Variants in H6PD observed in about 807,000 individuals in gnomAD.
H6PD encodes the protein hexose-6-phosphate dehydrogenase/glucose 1-dehydrogenase.
In H6PD, 48 loss-of-function variants were observed where a neutral mutation model predicts 61.2. The ratio of observed to expected loss-of-function variants is 0.78; its 90% CI spans 0.62 to 1.00. The LOEUF is 1.00. Ranked by LOEUF, H6PD falls within the 50% of genes least tolerant of loss-of-function variation. The probability of loss-of-function intolerance (pLI) is 0.00; values close to 1 mark genes in which losing one functional copy is unlikely to be tolerated. For synonymous variants in H6PD, 480 were observed against 457.9 expected (o/e 1.05, Z -0.62); for missense variants, 1,093 against 1,065.0 (o/e 1.03, Z -0.37).
chr1:9,238,787 G>A (rs1312843770), intron 1 of H6PD, among the ~76,000 whole-genome samples: 2 of 152,184 alleles, frequency 1.3e-5, no homozygotes, highest in African/African-American at 2.4e-5. Context: ...TGGACGGATA[G>A]GCAGTTGTGT....
Position 9,264,442 on chromosome 1 carries a change from A to G in H6PD, c.1949A>G (p.Asn650Ser). 2 of 1,612,992 alleles carry G rather than the reference A, an allele frequency of 1.2e-6. No individual in the cohort carries two copies. Among genetic ancestry groups the G allele is most frequent in the Non-Finnish European group, 1.7e-6 (2 of 1,179,824 alleles). The stretch of plus-strand genomic sequence containing the variant: ...CAGCACGTCCGGATCCCCTACTACA[A>G]CATCCACCCCATGCCTGTGCACCTG... ...LLQHVRIPYY[N>S]IHPMPVHLQQ... is the part of the protein sequence containing the mutation. The change falls in exon 5 of 5, where the codon AAC (asparagine) becomes AGC (serine). Residue 650 changes from asparagine (N) to serine (S), a missense_variant. Coordinates refer to ENST00000377403, the MANE Select transcript of H6PD (RefSeq NM_004285.4).
chr1:9,240,847 A>G (rs968198721), intron 1 of H6PD, among the ~76,000 whole-genome samples: 42 of 152,294 alleles, frequency 2.8e-4, no homozygotes, highest in Admixed American at 2.7e-3. Context: ...AACCTTCTGA[A>G]GCAGAGCCGT....
Position 9,269,155 on chromosome 1 carries a change from ACT to A in H6PD, c.*4289_*4290del, listed in dbSNP as rs1442006496. The A allele has an allele frequency of 2.0e-5, 3 of 151,900 alleles. No individual in the cohort carries two copies. Among genetic ancestry groups the A allele is most frequent in the Non-Finnish European group, 4.4e-5 (3 of 67,988 alleles). The allele number at this position is 151,900 out of a possible 1,614,324, so 9.4% of individuals were successfully genotyped here. ...CCACAGTGACCGGACGACAAATGAG[ACT>A]CTGCAAATGAGACTCCAGAGGGTGA... On this transcript the variant is annotated 3_prime_UTR_variant, in exon 5 of 5. Coordinates refer to ENST00000377403, the MANE Select transcript of H6PD (RefSeq NM_004285.4). This position sits in a 1 kb window ranked among gnomAD's most constrained non-coding sequence, Gnocchi z 4.3.
chr1:9,235,691 G>A (rs781356470), intron 1 of H6PD, among the ~76,000 whole-genome samples: 1 of 152,166 alleles, frequency 6.6e-6, no homozygotes, highest in Non-Finnish European at 1.5e-5. Context: ...GTTCCCTGCA[G>A]CCTCCACCTC....
intron 3 of H6PD, among the ~76,000 whole-genome samples, chr1:9,253,793 C>T (rs1217950272): frequency 6.6e-6 from 1 of 152,236 alleles, no homozygotes; most frequent in South Asian, 2.1e-4. Context: ...ACTGTGTTTT[C>T]TAACCTCTTT....
chr1:9,256,812 G>A (rs976943366), intron 3 of H6PD, among the ~76,000 whole-genome samples: 24 of 152,240 alleles, frequency 1.6e-4, no homozygotes, highest in African/African-American at 4.8e-4. Context: ...CCCTCCCCAC[G>A]TTCTGACCTA....
chr1:9,261,060 C>T (rs1423387838), intron 3 of H6PD, among the ~76,000 whole-genome samples: 1 of 152,054 alleles, frequency 6.6e-6, no homozygotes, highest in Non-Finnish European at 1.5e-5. Flanking sequence ...CCTGTACTGC[C>T]CATTAGTCCA....
At chr1:9,249,184 T>G (rs952615320) in intron 3 of H6PD, among the ~76,000 whole-genome samples, 1 of 152,198 alleles carries the variant, frequency 6.6e-6, no homozygotes, top group African/African-American at 2.4e-5. Context: ...TGGAGTTACC[T>G]GTTGGTACTG....
chr1:9,267,697 A>C lies in H6PD; in HGVS notation c.*2828A>C, dbSNP rs1005599325. The stretch of plus-strand genomic sequence containing the variant: ...ATGTTGGAAAAGTCCAAACCTGGAG[A>C]TGTCCCTGTGCCTCCGCCCCTACCC... On this transcript the variant is annotated 3_prime_UTR_variant, in exon 5 of 5. Transcript: ENST00000377403. 1 of 152,158 alleles carries C rather than the reference A, an allele frequency of 6.6e-6. No homozygotes were observed. Among genetic ancestry groups the C allele is most frequent in the African/African-American group, 2.4e-5 (1 of 41,418 alleles). The allele number at this position is 152,158 out of a possible 1,614,324, so 9.4% of individuals were successfully genotyped here.
At chr1:9,237,243 T>C (rs1335188407) in intron 1 of H6PD, among the ~76,000 whole-genome samples, 1 of 111,880 alleles carries the variant, frequency 8.9e-6, no homozygotes, top group African/African-American at 3.9e-5. Flanking sequence ...TCTCTTTTTT[T>C]TTTTTTTTTT....
chr1:9,245,553 G>A lies in H6PD; in HGVS notation c.619G>A (p.Gly207Ser). 6.2e-7 allele frequency: 1 copy of A among 1,614,158 alleles called. No individual in the cohort carries two copies. Among genetic ancestry groups the A allele is most frequent in the Non-Finnish European group, 8.5e-7 (1 of 1,180,020 alleles). ...GATGTACCGGGTGGACCATTACTTA[G>A]GCAAGCAGGTGAGCATCAGCATGGA... ...EEMYRVDHYL[G>S]KQAVAQILPF... is the part of the protein sequence containing the mutation. Residue 207 changes from glycine to serine, a missense_variant, in exon 2 of 5, where the codon GGC becomes AGC. Gly to Ser is a moderately conservative substitution (Grantham distance 56, BLOSUM62 0). Transcript: ENST00000377403. The surrounding 1 kb of genome is among the most constrained non-coding windows in gnomAD (Gnocchi z 4.8).
Position 9,270,421 on chromosome 1 carries a change from G to A in H6PD, c.*5552G>A, listed in dbSNP as rs1434750138. ...AGAGGCGTCTGTTATAAAGCGTTAC[G>A]GGGCGCCTGCATGCAGGAGGAAGGA... On this transcript the variant is annotated 3_prime_UTR_variant, in exon 5 of 5. Transcript: ENST00000377403. 1 of 152,198 alleles carries A rather than the reference G, an allele frequency of 6.6e-6. No individual in the cohort carries two copies. The highest frequency in any genetic ancestry group is 1.5e-5 in the Non-Finnish European group (1 of 68,038). 9.4% of individuals were successfully genotyped at this position (152,198 alleles called of 1,614,324 possible).
chr1:9,264,326 G>A lies in H6PD; in HGVS notation c.1833G>A (p.Trp611Ter), dbSNP rs151130360. 40 of 1,611,904 alleles carry A rather than the reference G, an allele frequency of 2.5e-5. No homozygotes were observed. Among genetic ancestry groups the A allele is most frequent in the Non-Finnish European group, 3.0e-5 (35 of 1,179,836 alleles). ...QLATAHYGFP[W>*]AHTHLWLVDE... ...CCACGGCGCACTATGGCTTCCCCTG[G>A]GCCCACACGCACCTGTGGCTGGTTG... Residue 611 changes from tryptophan (W) to a stop codon, truncating the protein, a stop_gained, in exon 5 of 5, where the codon TGG becomes TGA. Transcript: ENST00000377403. LOFTEE classifies it high-confidence loss of function.
chr1:9,252,167 T>C (rs958599924), intron 3 of H6PD, among the ~76,000 whole-genome samples: 1 of 152,232 alleles, frequency 6.6e-6, no homozygotes, highest in African/African-American at 2.4e-5. Flanking sequence ...TGACTTATAT[T>C]GGATTATTAT....
rs1557432010 is a variant in H6PD, at chr1:9,270,237, C to T, written c.*5368C>T. The T allele has an allele frequency of 6.6e-6, 1 of 152,608 alleles. No homozygotes were observed. The highest frequency in any genetic ancestry group is 1.5e-5 in the Non-Finnish European group (1 of 68,056). The allele number at this position is 152,608 out of a possible 1,614,324, so 9.5% of individuals were successfully genotyped here. On this transcript the variant is annotated 3_prime_UTR_variant, in exon 5 of 5. Coordinates refer to ENST00000377403, the MANE Select transcript of H6PD (RefSeq NM_004285.4). ...TGACAGGTGCTTTAAAGGCAGTCTG[C>T]ATCTTTTCTTCCCTTGGTGTGGGAG... is the stretch of plus-strand genomic sequence containing the variant.
chr1:9,254,658 G>A lies in H6PD; in HGVS notation c.746-7401G>A, dbSNP rs1374236716. ...TTCATCTTCCTGAAGTACCTCTTTCGTGCTTCTGCTTCCCTGTTCTAAAAC... is the reference window on the plus strand; with the variant it reads ...TTCATCTTCCTGAAGTACCTCTTTCATGCTTCTGCTTCCCTGTTCTAAAAC... On this transcript the variant is annotated intron_variant, in intron 3 of 4. Transcript: ENST00000377403. This position sits in a 1 kb window ranked among gnomAD's most constrained non-coding sequence, Gnocchi z 4.6. Among the ~76,000 whole-genome samples, 1 of 152,038 alleles carries A rather than the reference G, an allele frequency of 6.6e-6. No homozygotes were observed. Among genetic ancestry groups the A allele is most frequent in the Admixed American group, 6.6e-5 (1 of 15,266 alleles).
intron 3 of H6PD, among the ~76,000 whole-genome samples, chr1:9,259,277 C>G (rs1003095833): frequency 3.3e-5 from 5 of 152,036 alleles, no homozygotes; most frequent in African/African-American, 1.2e-4. Flanking sequence ...CGTGAGCCAC[C>G]ATGCCTGGCC....
In H6PD at chr1:9,264,173, C is replaced by T. The variant is rs373042136; in HGVS notation, c.1680C>T (p.Ser560=). 3.0e-5 allele frequency: 48 copies of T among 1,612,190 alleles called. No homozygotes were observed. The highest frequency in any genetic ancestry group is 3.3e-5 in the Non-Finnish European group (39 of 1,179,032). ...YRESPLVSAW[S]EELISKLAND... is the part of the protein sequence containing the mutation. ...AGAGCCCGCTGGTCTCCGCCTGGTC[C>T]GAGGAGCTGATCTCTAAGCTGGCTA... Residue 560 remains serine, a synonymous_variant, in exon 5 of 5, where the codon TCC becomes TCT. Coordinates refer to ENST00000377403, the MANE Select transcript of H6PD (RefSeq NM_004285.4).
In H6PD at chr1:9,269,049, A is replaced by ATT. The variant is rs1302427531; in HGVS notation, c.*4180_*4181insTT. Reference sequence around the variant, plus strand: ...CTTAGAACTTACTCCACTGATTTAAAAAAAAAAAACTGCCTGGCAGCATCT... The same window carrying ATT: ...CTTAGAACTTACTCCACTGATTTAAATTAAAAAAAAACTGCCTGGCAGCATCT... On this transcript the variant is annotated 3_prime_UTR_variant, in exon 5 of 5. Coordinates refer to ENST00000377403, the MANE Select transcript of H6PD (RefSeq NM_004285.4). The surrounding 1 kb of genome is among the most constrained non-coding windows in gnomAD (Gnocchi z 4.3). The ATT allele has an allele frequency of 7.0e-6, 1 of 143,478 alleles. No homozygotes were observed. Among genetic ancestry groups the ATT allele is most frequent in the African/African-American group, 2.5e-5 (1 of 40,388 alleles). The allele number at this position is 143,478 out of a possible 1,614,324, so 8.9% of individuals were successfully genotyped here. A position where few individuals can be genotyped will look rare whatever the true frequency, so the allele number is the denominator to read the frequency against.
Sources: gnomAD v4.1 joint callset for allele counts (sites outside exome capture counted in the v4.1 genomes callset) on GRCh38, gnomAD v4.1.1 for gene constraint, Gnocchi (gnomAD v3.1) non-coding constraint, MANE v1.5 for transcripts, NCBI Gene and HGNC (gene_info 2026-07-23, HGNC 2026-07-21) for gene names.